DIPK2B: variants seen among roughly 807,000 people sequenced by gnomAD.
DIPK2B encodes UPF0672 protein CXorf36.
Under a neutral mutation model 22.2 loss-of-function variants are expected in DIPK2B, and 15 were observed. That is an observed-to-expected ratio of 0.68 (90% CI 0.45 to 1.04). The LOEUF (loss-of-function observed/expected upper bound fraction) is 1.04. Among genes scored for constraint, DIPK2B ranks in the 50% least tolerant of loss-of-function variants. The pLI is 0.00. For synonymous variants in DIPK2B, 163 were observed against 153.2 expected (o/e 1.06, Z -0.47); for missense variants, 345 against 348.3 (o/e 0.99, Z 0.08).
intron 2 of DIPK2B, chrX:45,164,260 A>T (rs368888119): frequency 9.2e-6 from 11 of 1,192,028 alleles, no homozygotes; most frequent in Middle Eastern, 2.3e-4. Context: ...CTGAAAATTT[A>T]AAATGATTGA....
Position 45,191,984 on chromosome X carries a change from G to A in DIPK2B, c.265C>T (p.Leu89=), listed in dbSNP as rs1387643241. The stretch of plus-strand genomic sequence containing the variant: ...TAAGAAAGCAAGGAATCGGGAGGCA[G>A]TCCAAGGTGGGAAGCCAGCCAGTTG... ...SDNWLASHLG[L]PPDSLLSYPA... is the part of the protein sequence containing the mutation. Residue 89 remains leucine (L), a synonymous_variant, in exon 2 of 5, where the codon CTG becomes TTG. Transcript: ENST00000398000. 1.1e-5 allele frequency: 13 copies of A among 1,209,463 alleles called. No individual in the cohort carries two copies. The highest frequency in any genetic ancestry group is 1.5e-5 in the Non-Finnish European group (13 of 894,780).
In DIPK2B at chrX:45,151,902, C is replaced by A; in HGVS notation, c.1052G>T (p.Ser351Ile). 1 of 1,208,679 alleles carries A rather than the reference C, an allele frequency of 8.3e-7. No individual in the cohort carries two copies. Among genetic ancestry groups the A allele is most frequent in the Non-Finnish European group, 1.1e-6 (1 of 893,612 alleles). The change falls in exon 5 of 5, where the codon AGC becomes ATC. Residue 351 changes from serine to isoleucine, a missense_variant. Ser to Ile is a moderately radical substitution (Grantham distance 142). Coordinates refer to ENST00000398000, the MANE Select transcript of DIPK2B (RefSeq NM_176819.4). ...GCQAQLPSCE[S>I]ISEKQSLVLV... is the part of the protein sequence containing the mutation. Reference sequence around the variant, plus strand: ...CACCAGGCTCTGCTTCTCAGAGATGCTTTCGCAGGAGGGCAGCTGGGCCTG... The same window carrying A: ...CACCAGGCTCTGCTTCTCAGAGATGATTTCGCAGGAGGGCAGCTGGGCCTG...
intron 2 of DIPK2B, 85 bp downstream of exon 2, chrX:45,191,666 A>C: frequency 3.8e-6 from 4 of 1,064,669 alleles, no homozygotes; most frequent in Non-Finnish European, 5.0e-6. Flanking sequence ...CTTTTTCTCA[A>C]ACTGAGATAT....
intron 2 of DIPK2B, among the ~76,000 whole-genome samples, chrX:45,171,309 C>A (rs768194004): frequency 1.8e-5 from 2 of 108,196 alleles, no homozygotes; most frequent in Non-Finnish European, 3.9e-5. Context: ...CCACTCTGAA[C>A]CCTTGCCGGT....
intron 2 of DIPK2B, among the ~76,000 whole-genome samples, chrX:45,185,634 A>G (rs1384948653): frequency 1.1e-5 from 1 of 93,164 alleles, no homozygotes; most frequent in Non-Finnish European, 2.1e-5. Context: ...TCACTGTCTC[A>G]TTTTCTTTCT....
intron 2 of DIPK2B, among the ~76,000 whole-genome samples, chrX:45,174,601 G>A (rs926058460): frequency 9.1e-6 from 1 of 109,689 alleles, no homozygotes; most frequent in Non-Finnish European, 1.9e-5. Context: ...TGGAGATCTA[G>A]TATCAATGCA....
intron 1 of DIPK2B, among the ~76,000 whole-genome samples, chrX:45,195,252 C>T (rs1183063162): frequency 9.0e-6 from 1 of 111,694 alleles, no homozygotes; most frequent in Non-Finnish European, 1.9e-5. Flanking sequence ...TTCTCATCTT[C>T]CTTCTAAATT....
At chrX:45,177,317 G>T (rs1318919284) in intron 2 of DIPK2B, among the ~76,000 whole-genome samples, 2 of 109,227 alleles carry the variant, frequency 1.8e-5, no homozygotes, top group South Asian at 8.2e-4. Flanking sequence ...AAAAAAAAAA[G>T]AAAAAAGGAA....
intron 2 of DIPK2B, chrX:45,162,416 T>A: frequency 1.3e-6 from 1 of 754,337 alleles, no homozygotes; most frequent in Admixed American, 8.6e-5. Context: ...GGAACAGGCT[T>A]AAGAGACCAT....
chrX:45,188,105 T>C (rs1332718069), intron 2 of DIPK2B, among the ~76,000 whole-genome samples: 1 of 111,917 alleles, frequency 8.9e-6, no homozygotes, highest in Non-Finnish European at 1.9e-5. Context: ...AGCTCCCCAG[T>C]TGGCTCTTGA....
intron 2 of DIPK2B, among the ~76,000 whole-genome samples, chrX:45,175,789 T>TA (rs908821330): frequency 1.5e-4 from 16 of 104,724 alleles, no homozygotes; most frequent in Admixed American, 1.0e-3. Context: ...CAAATAAAAG[T>TA]AAAAAAAATT....
intron 2 of DIPK2B, among the ~76,000 whole-genome samples, chrX:45,179,395 G>A (rs758913649): frequency 1.8e-5 from 2 of 110,881 alleles, no homozygotes; most frequent in South Asian, 7.5e-4. Flanking sequence ...TACCCCTAAA[G>A]TGTGAAGAAG....
intron 1 of DIPK2B, among the ~76,000 whole-genome samples, chrX:45,195,390 T>C (rs1304415037): frequency 9.0e-6 from 1 of 111,514 alleles, no homozygotes; most frequent in African/African-American, 3.3e-5. Context: ...TCCCCCCAAG[T>C]CCCTCAACAT....
Position 45,191,921 on chromosome X carries a change from GGC to G in DIPK2B, c.326_327del (p.Arg109ProfsTer6), listed in dbSNP as rs1275733926. On this transcript the variant is annotated frameshift_variant, in exon 2 of 5. Coordinates refer to ENST00000398000, the MANE Select transcript of DIPK2B (RefSeq NM_176819.4). LOFTEE classifies it high-confidence loss of function. ...CTGACCAGTCTAAAGATCTCCACAG[GGC>G]GCCAGATTTTGGAATCATCTGAGTA... The part of the protein sequence containing the change: ...ANYSDDSKIW[R>X]PVEIFRLVSK... 1.7e-6 allele frequency: 2 copies of G among 1,210,486 alleles called. No homozygotes were observed. The highest frequency in any genetic ancestry group is 3.5e-5 in the African/African-American group (2 of 57,248).
chrX:45,154,297 ATCTATC>A, intron 3 of DIPK2B, 99 bp from the exon 4 acceptor site: 2 of 621,179 alleles, frequency 3.2e-6, no homozygotes, highest in Admixed American at 4.0e-5. Context: ...CTATCTATCT[ATCTATC>A]TATCTATCTA....
At chrX:45,157,470 A>C (rs2047000788) in intron 3 of DIPK2B, among the ~76,000 whole-genome samples, 1 of 111,814 alleles carries the variant, frequency 8.9e-6, no homozygotes, top group Admixed American at 9.5e-5. Context: ...CCACTCAGGC[A>C]GTGAAGGTGG....
chrX:45,182,895 T>C (rs2047162620), intron 2 of DIPK2B, among the ~76,000 whole-genome samples: 1 of 111,651 alleles, frequency 9.0e-6, no homozygotes, highest in Non-Finnish European at 1.9e-5. Flanking sequence ...AGCTGAGAGG[T>C]TTCAGTGTGA....
At chrX:45,170,651 G>A (rs1303623747) in intron 2 of DIPK2B, among the ~76,000 whole-genome samples, 2 of 112,251 alleles carry the variant, frequency 1.8e-5, no homozygotes, top group East Asian at 5.6e-4. Flanking sequence ...TGTTAAATCA[G>A]AGGAGGAACT....
At chrX:45,169,306 C>A (rs113611168) in intron 2 of DIPK2B, among the ~76,000 whole-genome samples, 11,668 of 111,162 alleles carry the variant, frequency 0.1, 626 homozygotes, top group East Asian at 0.43. Flanking sequence ...CCAAACGCAA[C>A]ACCTTTTTCT....
Sources: allele counts gnomAD v4.1 joint callset (sites outside exome capture counted in the v4.1 genomes callset), GRCh38; gene constraint gnomAD v4.1.1; transcripts MANE v1.5; gene names NCBI Gene and HGNC (gene_info 2026-07-23, HGNC 2026-07-21).